The following ESR1 variants were observed in gnomAD, a reference collection of about 807,000 sequenced individuals.
ESR1 encodes estrogen receptor.
ESR1 carries 12 observed loss-of-function variants against 52.7 expected under a neutral mutation model. The ratio of observed to expected loss-of-function variants is 0.23; its 90% CI spans 0.15 to 0.37. The LOEUF is 0.37. Ranked by LOEUF, ESR1 falls within the 10% of genes least tolerant of loss-of-function variation. The pLI, the probability that ESR1 is intolerant of heterozygous loss-of-function variation, is 1.00. For missense variants in ESR1, 584 were observed against 779.7 expected, an observed-to-expected ratio of 0.75 and a Z score of 2.99; for synonymous variants, 305 against 316.8, an observed-to-expected ratio of 0.96 and a Z score of 0.39.
chr6:151,953,313 A>G (rs2036528739), intron 4 of ESR1, among the ~76,000 whole-genome samples: 1 of 152,208 alleles, frequency 6.6e-6, no homozygotes, highest in Admixed American at 6.5e-5. Context: ...AATGGAGGTT[A>G]CATCGTAGTG....
intron 3 of ESR1, among the ~76,000 whole-genome samples, chr6:151,941,408 G>A (rs996523275): frequency 1.1e-4 from 17 of 152,214 alleles, no homozygotes; most frequent in African/African-American, 4.1e-4. Context: ...GTCCTCACAC[G>A]AAGTAGGGAA....
chr6:152,056,020 G>T (rs1470772660), intron 5 of ESR1, among the ~76,000 whole-genome samples: 2 of 152,124 alleles, frequency 1.3e-5, no homozygotes, highest in East Asian at 3.9e-4. Context: ...TAAGTAATTT[G>T]TTCAAGATCA....
At chr6:152,028,400 G>C (rs1017201432) in intron 5 of ESR1, among the ~76,000 whole-genome samples, 3 of 152,158 alleles carry the variant, frequency 2.0e-5, no homozygotes, top group Admixed American at 2.0e-4. Context: ...CCTAGCCAAG[G>C]AAAGGGGTGA....
intron 4 of ESR1, among the ~76,000 whole-genome samples, chr6:151,979,328 A>G (rs925872864): frequency 6.6e-6 from 1 of 152,206 alleles, no homozygotes; most frequent in African/African-American, 2.4e-5. Context: ...CAGGTAGAGA[A>G]CAAGGTTACT....
intron 2 of ESR1, among the ~76,000 whole-genome samples, chr6:151,859,030 T>C (rs1788400063): frequency 6.6e-6 from 1 of 152,200 alleles, no homozygotes; most frequent in South Asian, 2.1e-4. Context: ...GAGTAGTCAC[T>C]GTGCAGCTAT....
chr6:151,935,972 A>C (rs1278496385), intron 3 of ESR1, among the ~76,000 whole-genome samples: 2 of 152,182 alleles, frequency 1.3e-5, no homozygotes, highest in Non-Finnish European at 2.9e-5. Flanking sequence ...ATTATGTAAC[A>C]TGAAACAGGA....
At chr6:151,909,472 G>A (rs1380712091) in intron 3 of ESR1, among the ~76,000 whole-genome samples, 1 of 152,180 alleles carries the variant, frequency 6.6e-6, no homozygotes, top group African/African-American at 2.4e-5. Flanking sequence ...CCAAGGCACT[G>A]TATTCAATAC....
Position 152,076,394 on chromosome 6 carries a change from C to A in ESR1, c.1369+15270C>A, listed in dbSNP as rs185144413. Among the ~76,000 whole-genome samples, 92 of 152,278 alleles carry A rather than the reference C, an allele frequency of 6.0e-4. 2 individuals are homozygous for A. The East Asian group carries it at 0.015, about 25-fold the overall frequency. On this transcript the variant is annotated intron_variant, in intron 6 of 7. Transcript: ENST00000206249. ...ATGTGGAACTGTAAATCCAATTAAA[C>A]CTCTTTTTCTTCCCAGTCTTGGGTA... is the stretch of plus-strand genomic sequence containing the variant.
chr6:151,724,693 A>G (rs531480009), intron 2 of ESR1, among the ~76,000 whole-genome samples: 4 of 152,270 alleles, frequency 2.6e-5, no homozygotes, highest in Non-Finnish European at 4.4e-5. Flanking sequence ...GAATGGTTGC[A>G]TGTGCTCTTG....
chr6:151,957,203 A>G (rs949352610), intron 4 of ESR1, among the ~76,000 whole-genome samples: 8 of 152,078 alleles, frequency 5.3e-5, no homozygotes, highest in Admixed American at 1.3e-4. Flanking sequence ...ACAGCCGTTG[A>G]AGGACACAAC....
chr6:151,750,170 T>G (rs898415303), intron 2 of ESR1, among the ~76,000 whole-genome samples: 1 of 152,184 alleles, frequency 6.6e-6, no homozygotes, highest in African/African-American at 2.4e-5. Context: ...ATATTCAAAC[T>G]CTTCATGAAA....
chr6:152,028,151 A>T (rs2044321425), intron 5 of ESR1, among the ~76,000 whole-genome samples: 1 of 152,290 alleles, frequency 6.6e-6, no homozygotes, highest in Non-Finnish European at 1.5e-5. Flanking sequence ...CTCAAAAAAA[A>T]ATAAATAGGG....
chr6:151,942,541 A>T (rs1232053439), intron 3 of ESR1, among the ~76,000 whole-genome samples: 1 of 151,642 alleles, frequency 6.6e-6, no homozygotes, highest in East Asian at 1.9e-4. Flanking sequence ...CTTTATTATA[A>T]TTTTTACTAT....
At chr6:151,707,073 T>C (rs563325549) in intron 2 of ESR1, among the ~76,000 whole-genome samples, 157 of 152,340 alleles carry the variant, frequency 1.0e-3, no homozygotes, top group African/African-American at 3.7e-3. Flanking sequence ...TGAAGGAGCA[T>C]TGGAGGCAGG....
chr6:152,078,841 G>T (rs369071260), intron 6 of ESR1, among the ~76,000 whole-genome samples: 2 of 152,228 alleles, frequency 1.3e-5, no homozygotes, highest in East Asian at 3.9e-4. Context: ...TGGCTCAGTG[G>T]GTCACACGCC....
intron 1 of ESR1, among the ~76,000 whole-genome samples, chr6:151,677,714 T>G (rs989540873): frequency 6.6e-6 from 1 of 152,234 alleles, no homozygotes; most frequent in Non-Finnish European, 1.5e-5. Context: ...TGGCCTGTGC[T>G]TCTTAGTGGC....
At chr6:152,064,346 G>A (rs1318939395) in intron 6 of ESR1, among the ~76,000 whole-genome samples, 2 of 152,226 alleles carry the variant, frequency 1.3e-5, no homozygotes, top group African/African-American at 2.4e-5. Context: ...CCTGCCCACA[G>A]TATCCCCTCT....
At chr6:151,930,680 T>G (rs1352188147) in intron 3 of ESR1, among the ~76,000 whole-genome samples, 1 of 152,216 alleles carries the variant, frequency 6.6e-6, no homozygotes. Flanking sequence ...ACCTTCCTCT[T>G]GCTTGAAGAA....
chr6:152,111,395 C>A (rs148221429), intron 6 of ESR1, among the ~76,000 whole-genome samples: 1 of 152,176 alleles, frequency 6.6e-6, no homozygotes, highest in African/African-American at 2.4e-5. Context: ...AAGAGCCAGT[C>A]GCCCCAAGGG....
Sources: allele counts gnomAD v4.1 joint callset (sites outside exome capture counted in the v4.1 genomes callset), GRCh38; gene constraint gnomAD v4.1.1; transcripts MANE v1.5; gene names NCBI Gene and HGNC (gene_info 2026-07-23, HGNC 2026-07-21).